Variants in CYFIP2 observed in about 807,000 individuals in gnomAD.
CYFIP2 encodes cytoplasmic FMR1-interacting protein 2.
CYFIP2 carries 29 observed loss-of-function variants against 158.7 expected under a neutral mutation model. The observed-to-expected ratio is 0.18, with a 90% CI of 0.14 to 0.25. The LOEUF (loss-of-function observed/expected upper bound fraction) is 0.25, where lower values mean the gene tolerates loss of function less well. CYFIP2 is among the 10% of genes least tolerant of loss of function. The pLI is 1.00. For missense variants in CYFIP2, 852 were observed against 1,639.5 expected, an observed-to-expected ratio of 0.52 and a Z score of 8.29; for synonymous variants, 585 against 617.6, an observed-to-expected ratio of 0.95 and a Z score of 0.78.
At chr5:157,306,909 A>AC (rs1387118261) in intron 8 of CYFIP2, among the ~76,000 whole-genome samples, 1 of 150,708 alleles carries the variant, frequency 6.6e-6, no homozygotes, top group Non-Finnish European at 1.5e-5. Flanking sequence ...AAAAAAAAAA[A>AC]CCGGAAATGC....
Position 157,361,307 on chromosome 5 carries a change from C to A in CYFIP2, c.2909-161C>A, listed in dbSNP as rs1008283820. On this transcript the variant is annotated intron_variant, in intron 25 of 30. Coordinates refer to ENST00000620254, the MANE Select transcript of CYFIP2 (RefSeq NM_001037333.3). This position sits in a 1 kb window ranked among gnomAD's most constrained non-coding sequence, Gnocchi z 4.4. ...ACTCGAACTTTGTCCAGTACTGAGC[C>A]CTGAAAGAAATCTCACTCTGGGCCT... 7.4e-6 allele frequency: 6 copies of A among 810,160 alleles called. No individual in the cohort carries two copies. In the African/African-American group the frequency reaches 8.6e-5, roughly 12 times the overall value. The allele number at this position is 810,160 out of a possible 1,614,324, so 50.2% of individuals were successfully genotyped here. A position where few individuals can be genotyped will look rare whatever the true frequency, so the allele number is the denominator to read the frequency against.
intron 23 of CYFIP2, among the ~76,000 whole-genome samples, chr5:157,349,090 C>A (rs1762894309): frequency 6.6e-6 from 1 of 152,178 alleles, no homozygotes. Context: ...CAAATTCCCT[C>A]ACTTTATGTA....
At chr5:157,367,302 A>G (rs1156693420) in intron 26 of CYFIP2, among the ~76,000 whole-genome samples, 1 of 152,222 alleles carries the variant, frequency 6.6e-6, no homozygotes, top group Admixed American at 6.5e-5. Flanking sequence ...ATATTCCAGT[A>G]GTACCCTTCA....
At chr5:157,329,146 G>A (rs1192276482) in intron 19 of CYFIP2, among the ~76,000 whole-genome samples, 2 of 152,366 alleles carry the variant, frequency 1.3e-5, no homozygotes, top group South Asian at 2.1e-4. Context: ...AACACAGGAT[G>A]TGCATTAAAT....
intron 20 of CYFIP2, among the ~76,000 whole-genome samples, chr5:157,331,729 A>G (rs991398461): frequency 4.6e-5 from 7 of 152,186 alleles, no homozygotes; most frequent in Non-Finnish European, 1.0e-4. Context: ...ATGCAGCCAG[A>G]ATTAGCCACA....
At chr5:157,343,387 G>C (rs141889118) in intron 23 of CYFIP2, 6 of 1,614,180 alleles carry the variant, frequency 3.7e-6, no homozygotes, top group Non-Finnish European at 5.1e-6. Context: ...CCTTCTCCTC[G>C]TGGTGGAAGC....
At chr5:157,325,994 T>C (rs1760990558) in intron 17 of CYFIP2, 177 bp from the exon 18 acceptor site, 2 of 597,656 alleles carry the variant, frequency 3.3e-6, no homozygotes, top group African/African-American at 3.7e-5. Context: ...ACTTTTTCTT[T>C]GGACTGACTG....
chr5:157,333,441 A>C lies in CYFIP2; in HGVS notation c.2380A>C (p.Ile794Leu). The change falls in exon 21 of 31, where the codon ATT (isoleucine) becomes CTT (leucine). Residue 794 changes from isoleucine (I) to leucine (L), a missense_variant. Transcript: ENST00000620254. ...SRFESEDLTS[I>L]VELEWLLEIN... ...CTTTGAGAGTGAGGACCTGACCTCC[A>C]TTGTGGTAAGAGTCTGGGAGCGTGT... 3 of 1,613,870 alleles carry C rather than the reference A, an allele frequency of 1.9e-6. No homozygotes were observed. The highest frequency in any genetic ancestry group is 2.5e-6 in the Non-Finnish European group (3 of 1,179,832).
chr5:157,267,871 G>A (rs939031187), intron 1 of CYFIP2, among the ~76,000 whole-genome samples: 1 of 152,384 alleles, frequency 6.6e-6, no homozygotes, highest in African/African-American at 2.4e-5. Flanking sequence ...ATATCTAGCA[G>A]CTGTCAGCTC....
intron 26 of CYFIP2, chr5:157,364,201 TG>T (rs1330747273): frequency 6.6e-5 from 1 of 15,110 alleles, no homozygotes; most frequent in African/African-American, 1.5e-4. Flanking sequence ...TGGGGCGGGG[TG>T]GCGGGGGGGG....
At chr5:157,268,369 C>T (rs1419247989) in intron 1 of CYFIP2, among the ~76,000 whole-genome samples, 1 of 152,182 alleles carries the variant, frequency 6.6e-6, no homozygotes, top group African/African-American at 2.4e-5. Context: ...GATGCTGGCC[C>T]AGAGAAGGAA....
intron 19 of CYFIP2, among the ~76,000 whole-genome samples, chr5:157,330,286 T>TG (rs1761354517): frequency 4.6e-5 from 5 of 107,722 alleles, no homozygotes; most frequent in African/African-American, 9.9e-5. Flanking sequence ...GTGTGTGTGT[T>TG]TGTGTTTAAA....
chr5:157,349,042 A>C (rs1231247814), intron 23 of CYFIP2, among the ~76,000 whole-genome samples: 1 of 152,040 alleles, frequency 6.6e-6, no homozygotes, highest in East Asian at 1.9e-4. Context: ...TGGCCTCCCA[A>C]AGTACTGGGA....
Position 157,359,052 on chromosome 5 carries a change from C to T in CYFIP2, c.2721C>T (p.Phe907=), listed in dbSNP as rs764090706. 22 of 1,613,852 alleles carry T rather than the reference C, an allele frequency of 1.4e-5. No individual in the cohort carries two copies. The highest frequency in any genetic ancestry group is 1.1e-4 in the East Asian group (5 of 44,884). Reference sequence around the variant, plus strand: ...ACATCTACAGCTCCTACAGGAATTTCGTGGGGCCACCTCATTTCAAGACTA... The same window carrying T: ...ACATCTACAGCTCCTACAGGAATTTTGTGGGGCCACCTCATTTCAAGACTA... ...YSHIYSSYRN[F]VGPPHFKTIC... is the part of the protein sequence containing the mutation. Residue 907 remains phenylalanine (F), a synonymous_variant, in exon 24 of 31, where the codon TTC becomes TTT. Coordinates refer to ENST00000620254, the MANE Select transcript of CYFIP2 (RefSeq NM_001037333.3).
chr5:157,311,660 C>T lies in CYFIP2; in HGVS notation c.993-4C>T. On this transcript the variant is annotated splice_polypyrimidine_tract_variant and splice_region_variant and intron_variant, in intron 10 of 30. Transcript: ENST00000620254. The surrounding 1 kb of genome is among the most constrained non-coding windows in gnomAD (Gnocchi z 4.7). ...CCTCTCCGACCCCATAATTTTCTACCCAGGTGGACGTGCACCCAGAGCAGC... is the reference window on the plus strand; with the variant it reads ...CCTCTCCGACCCCATAATTTTCTACTCAGGTGGACGTGCACCCAGAGCAGC... 6.2e-7 allele frequency: 1 copy of T among 1,601,114 alleles called. No homozygotes were observed. Among genetic ancestry groups the T allele is most frequent in the Non-Finnish European group, 8.5e-7 (1 of 1,174,114 alleles).
chr5:157,283,543 G>A (rs947023352), intron 1 of CYFIP2, among the ~76,000 whole-genome samples: 2 of 152,148 alleles, frequency 1.3e-5, no homozygotes. Context: ...TAGGTGTGGA[G>A]AGGACCTGAA....
Position 157,325,585 on chromosome 5 carries a change from G to T in CYFIP2, c.1929G>T (p.Met643Ile). The T allele has an allele frequency of 6.2e-7, 1 of 1,613,186 alleles. No homozygotes were observed. Among genetic ancestry groups the T allele is most frequent in the Non-Finnish European group, 8.5e-7 (1 of 1,179,546 alleles). Residue 643 changes from methionine (M) to isoleucine (I), a missense_variant, in exon 17 of 31, where the codon ATG (methionine) becomes ATT (isoleucine). Met to Ile is a conservative substitution (Grantham distance 10). Coordinates refer to ENST00000620254, the MANE Select transcript of CYFIP2 (RefSeq NM_001037333.3). ...RRIQFPIEMS[M>I]PWILTDHILE... ...TCCAGTTCCCCATCGAGATGTCCAT[G>T]CCCTGGATTCTAACGGACCATATCC...
chr5:157,335,751 A>G (rs929787381), intron 21 of CYFIP2, among the ~76,000 whole-genome samples: 4 of 152,160 alleles, frequency 2.6e-5, no homozygotes, highest in Non-Finnish European at 5.9e-5. Flanking sequence ...TATTTTGAGA[A>G]ACAGAGTTAT....
intron 23 of CYFIP2, chr5:157,345,350 C>T (rs1189062570): frequency 3.3e-5 from 5 of 152,618 alleles, no homozygotes; most frequent in Non-Finnish European, 5.9e-5. Flanking sequence ...TTTTTAAGAG[C>T]TTTCTGTCAA....
Sources: gnomAD v4.1 joint callset for allele counts (sites outside exome capture counted in the v4.1 genomes callset) on GRCh38, gnomAD v4.1.1 for gene constraint, Gnocchi (gnomAD v3.1) non-coding constraint, MANE v1.5 for transcripts, NCBI Gene and HGNC (gene_info 2026-07-23, HGNC 2026-07-21) for gene names.